The following SLC22A8 variants were observed in gnomAD, a reference collection of about 807,000 sequenced individuals.
SLC22A8 encodes organic anion transporter 3.
SLC22A8 carries 40 observed loss-of-function variants against 48.4 expected under a neutral mutation model. That is an observed-to-expected ratio of 0.83 (90% CI 0.64 to 1.08). SLC22A8 has a LOEUF of 1.08. Among genes scored for constraint, SLC22A8 ranks in the 50% least tolerant of loss-of-function variants. SLC22A8 has a pLI of 0.00. For missense variants in SLC22A8, 606 were observed against 699.0 expected (o/e 0.87, Z 1.50); for synonymous variants, 268 against 286.3 (o/e 0.94, Z 0.65).
intron 1 of SLC22A8, among the ~76,000 whole-genome samples, chr11:63,015,406 A>T (rs2086663247): frequency 1.3e-5 from 2 of 152,234 alleles, no homozygotes; most frequent in South Asian, 4.1e-4. Flanking sequence ...GACACGTAGC[A>T]GGGACCAAGG....
intron 2 of SLC22A8, among the ~76,000 whole-genome samples, chr11:63,011,315 T>C (rs778577485): frequency 6.6e-6 from 1 of 152,150 alleles, no homozygotes; most frequent in Non-Finnish European, 1.5e-5. Context: ...GAAGATGAAA[T>C]GAGTTTATGT....
chr11:62,993,668 G>A, intron 9 of SLC22A8, 41 bp from the exon 10 acceptor site: 1 of 1,599,558 alleles, frequency 6.3e-7, no homozygotes, highest in Non-Finnish European at 8.6e-7. Context: ...CTGTGTGTGG[G>A]GTTCATAAAG....
intron 8 of SLC22A8, 183 bp from the exon 9 acceptor site, chr11:62,994,061 C>T (rs1292038255): frequency 1.3e-5 from 8 of 602,914 alleles, no homozygotes; most frequent in South Asian, 6.1e-5. Flanking sequence ...TGCCTCTGAT[C>T]CTCTATTTCC....
intron 2 of SLC22A8, among the ~76,000 whole-genome samples, chr11:63,011,945 A>G (rs1315893630): frequency 1.3e-5 from 2 of 150,254 alleles, no homozygotes; most frequent in African/African-American, 2.5e-5. Context: ...TCACTCCTCC[A>G]GCCTTCCCCT....
chr11:63,003,013 G>A (rs536150740), intron 2 of SLC22A8, among the ~76,000 whole-genome samples: 3 of 152,280 alleles, frequency 2.0e-5, no homozygotes, highest in Non-Finnish European at 2.9e-5. Flanking sequence ...ATAACCTGAA[G>A]GGCTAAAACG....
rs769597035 is a variant in SLC22A8, at chr11:62,999,019, G to A, written c.663C>T (p.Gly221=). The change falls in exon 5 of 11, where the codon GGC becomes GGT. Residue 221 remains glycine, a synonymous_variant. Coordinates refer to ENST00000336232, the MANE Select transcript of SLC22A8 (RefSeq NM_004254.4). ...STALGYCYTF[G]QFILPGLAYA... ...AGGCCAGGCCGGGCAGAATGAACTGGCCAAAGGTGTAGCAGTACCCGAGTG... is the reference window on the plus strand; with the variant it reads ...AGGCCAGGCCGGGCAGAATGAACTGACCAAAGGTGTAGCAGTACCCGAGTG... 6.2e-7 allele frequency: 1 copy of A among 1,614,220 alleles called. No individual in the cohort carries two copies. The highest frequency in any genetic ancestry group is 8.5e-7 in the Non-Finnish European group (1 of 1,180,014).
chr11:63,015,319 C>T (rs143843410), intron 1 of SLC22A8, among the ~76,000 whole-genome samples: 17 of 152,286 alleles, frequency 1.1e-4, no homozygotes, highest in African/African-American at 3.4e-4. Context: ...GTGTTGTGAG[C>T]GTGTGCACCT....
intron 2 of SLC22A8, among the ~76,000 whole-genome samples, chr11:63,004,611 C>A (rs187811100): frequency 4.4e-4 from 67 of 152,338 alleles, no homozygotes; most frequent in African/African-American, 1.6e-3. Flanking sequence ...TACCTCTCTA[C>A]CCTACTTAAT....
chr11:63,004,337 C>T (rs1033961486), intron 2 of SLC22A8, among the ~76,000 whole-genome samples: 1 of 152,158 alleles, frequency 6.6e-6, no homozygotes, highest in Non-Finnish European at 1.5e-5. Flanking sequence ...GAAAATCAGC[C>T]AACATCTTTA....
In SLC22A8 at chr11:62,996,088, G is replaced by T; in HGVS notation, c.826C>A (p.Leu276Ile). 1 of 1,614,046 alleles carries T rather than the reference G, an allele frequency of 6.2e-7. No individual in the cohort carries two copies. The highest frequency in any genetic ancestry group is 8.5e-7 in the Non-Finnish European group (1 of 1,179,948). Reference protein sequence around the residue: ...SGKSSKALKILRRVAVFNGKK... With the variant: ...SGKSSKALKIIRRVAVFNGKK... ...CCATTGAAGACAGCCACCCGCCGGA[G>T]TATCTTCAGGGCCTTCGAGGACTTT... is the stretch of plus-strand genomic sequence containing the variant. Residue 276 changes from leucine to isoleucine, a missense_variant, in exon 6 of 11, where the codon CTC becomes ATC. Physicochemically the swap from Leu to Ile is conservative, Grantham distance 5. Transcript: ENST00000336232.
intron 2 of SLC22A8, 131 bp from the exon 3 acceptor site, chr11:63,000,954 G>A (rs1010975501): frequency 2.3e-5 from 16 of 682,600 alleles, no homozygotes; most frequent in African/African-American, 3.6e-5. Flanking sequence ...CCCAAGGACC[G>A]TTTCCTTTTT....
rs200524172 is a variant in SLC22A8, at chr11:62,993,519, G to C, written c.1434C>G (p.Tyr478Ter). The stretch of plus-strand genomic sequence containing the variant: ...TGCCCCCGAGGAGGGCGGTGATCCC[G>C]TAGATGATATTGGGGATGAAGGGCT... ...EVQPFIPNII[Y>*]GITALLGGSA... Residue 478 changes from tyrosine to a stop codon, truncating the protein, a stop_gained, in exon 10 of 11, where the codon TAC becomes TAG. Transcript: ENST00000336232. LOFTEE classifies it high-confidence loss of function. 3 of 1,614,082 alleles carry C rather than the reference G, an allele frequency of 1.9e-6. No individual in the cohort carries two copies. In the African/African-American group the frequency reaches 4.0e-5, roughly 22 times the overall value.
chr11:62,994,874 T>C, intron 7 of SLC22A8, 118 bp from the exon 8 acceptor site: 1 of 750,540 alleles, frequency 1.3e-6, no homozygotes, highest in Non-Finnish European at 2.3e-6. Context: ...CTGCAACTGA[T>C]GATAGGGGCT....
chr11:62,993,773 A>G lies in SLC22A8; in HGVS notation c.1322T>C (p.Ile441Thr). Residue 441 changes from isoleucine (I) to threonine (T), a missense_variant, in exon 9 of 11, where the codon ATC (isoleucine) becomes ACC (threonine). Transcript: ENST00000336232. ...LYTSELYPTV[I>T]RQTGMGVSNL... The stretch of plus-strand genomic sequence containing the variant: ...TGGCCCCAGGTCCAGCACCTACCTG[A>G]TGACTGTGGGGTATAATTCACTTGT... 6.2e-7 allele frequency: 1 copy of G among 1,611,310 alleles called. No homozygotes were observed. The highest frequency in any genetic ancestry group is 1.3e-5 in the African/African-American group (1 of 74,984).
chr11:62,995,839 A>AG lies in SLC22A8; in HGVS notation c.886-21dup. On this transcript the variant is annotated intron_variant, in intron 6 of 10. Coordinates refer to ENST00000336232, the MANE Select transcript of SLC22A8 (RefSeq NM_004254.4). ...GAGCTCCTTCGGGCAGAGGAGGGGG[A>AG]GGGGTGCCATTAATGACCAGCTAGT... 1 of 1,580,332 alleles carries AG rather than the reference A, an allele frequency of 6.3e-7. No homozygotes were observed. The highest frequency in any genetic ancestry group is 1.3e-5 in the African/African-American group (1 of 74,276).
intron 7 of SLC22A8, 81 bp from the exon 8 acceptor site, chr11:62,994,837 G>T: frequency 9.6e-7 from 1 of 1,039,896 alleles, no homozygotes; most frequent in Non-Finnish European, 1.5e-6. Flanking sequence ...TCACCAGGAT[G>T]ATGAATAGCT....
intron 2 of SLC22A8, among the ~76,000 whole-genome samples, chr11:63,002,537 C>G (rs559212018): frequency 7.9e-5 from 12 of 152,042 alleles, no homozygotes; most frequent in Non-Finnish European, 1.6e-4. Context: ...TTCCCCAGCC[C>G]CTTCCCCCCG....
chr11:62,998,183 C>T (rs2086446271), intron 5 of SLC22A8, among the ~76,000 whole-genome samples: 1 of 152,132 alleles, frequency 6.6e-6, no homozygotes, highest in South Asian at 2.1e-4. Context: ...AACTCCTGAC[C>T]TCAAGTGATC....
rs745677773 is a variant in SLC22A8, at chr11:62,999,018, G to A, written c.664C>T (p.Gln222Ter). 6.2e-7 allele frequency: 1 copy of A among 1,614,210 alleles called. No individual in the cohort carries two copies. Among genetic ancestry groups the A allele is most frequent in the Admixed American group, 1.7e-5 (1 of 60,032 alleles). The change falls in exon 5 of 11, where the codon CAG becomes TAG. Residue 222 changes from glutamine to a stop codon, truncating the protein, a stop_gained. Transcript: ENST00000336232. LOFTEE classifies it high-confidence loss of function. ...TAGGCCAGGCCGGGCAGAATGAACT[G>A]GCCAAAGGTGTAGCAGTACCCGAGT... ...TALGYCYTFG[Q>*]FILPGLAYAI...
Sources: allele counts gnomAD v4.1 joint callset (sites outside exome capture counted in the v4.1 genomes callset), GRCh38; gene constraint gnomAD v4.1.1; transcripts MANE v1.5; gene names NCBI Gene and HGNC (gene_info 2026-07-23, HGNC 2026-07-21).